Variants in IKZF2 observed in about 807,000 individuals in gnomAD.
IKZF2 encodes zinc finger protein Helios.
IKZF2 carries 15 observed loss-of-function variants against 49.2 expected under a neutral mutation model. The ratio of observed to expected loss-of-function variants is 0.30; its 90% confidence interval spans 0.20 to 0.47. IKZF2 has a LOEUF of 0.47. IKZF2 is among the 20% of genes least tolerant of loss of function. IKZF2 has a pLI of 1.00. For missense variants in IKZF2, 567 were observed against 664.6 expected (o/e 0.85, Z 1.61); for synonymous variants, 227 against 221.4 (o/e 1.03, Z -0.23).
At position 213,146,761 on chromosome 2, in the gene IKZF2, G is replaced by GT. The variant is rs966351708; in HGVS notation, c.139+946_139+947insA. 1.1e-4 allele frequency among the ~76,000 whole-genome samples: 15 copies of GT among 135,344 alleles called. 1 individual carries two copies. Among genetic ancestry groups the GT allele is most frequent in the Middle Eastern group, 3.5e-3 (1 of 288 alleles). 88.8% of individuals were successfully genotyped at this position (135,344 alleles called of 152,430 possible). On this transcript the variant is annotated intron_variant, in intron 4 of 8. Coordinates refer to ENST00000434687, the MANE Select transcript of IKZF2 (RefSeq NM_001387220.1). ...ACTTTTCTTAGTTATTAAATCTTCGGGGGGGGGGAAGGAAAGAGAATGCCT... is the reference window on the plus strand; with the variant it reads ...ACTTTTCTTAGTTATTAAATCTTCGGTGGGGGGGGAAGGAAAGAGAATGCCT...
chr2:213,011,656 T>C (rs370128901), intron 8 of IKZF2, among the ~76,000 whole-genome samples: 1 of 152,122 alleles, frequency 6.6e-6, no homozygotes, highest in East Asian at 1.9e-4. Context: ...GTTGGCACTG[T>C]CATGGTGGAG....
intron 4 of IKZF2, among the ~76,000 whole-genome samples, chr2:213,083,644 C>T (rs893503705): frequency 3.3e-5 from 5 of 149,582 alleles, no homozygotes; most frequent in South Asian, 2.1e-4. Flanking sequence ...TCAGGTGATC[C>T]GCCCACCTCG....
intron 4 of IKZF2, among the ~76,000 whole-genome samples, chr2:213,138,910 T>C (rs1421735815): frequency 6.6e-6 from 1 of 151,990 alleles, no homozygotes; most frequent in East Asian, 1.9e-4. Flanking sequence ...GGATCTTTCC[T>C]AGGTGGTAGT....
Position 213,151,442 on chromosome 2 carries a change from A to T in IKZF2, c.-149T>A, listed in dbSNP as rs954016548. ...GCAGTGCATGCAGTAAAATAATCCC[A>T]TCACCCTTTTGTTTGTGTTTACTGT... On this transcript the variant is annotated 5_prime_UTR_variant, in exon 1 of 9. The change abolishes an upstream ATG in the 5' untranslated region. Transcript: ENST00000434687. The T allele has an allele frequency of 6.6e-6, 1 of 152,516 alleles. No individual in the cohort carries two copies. Among genetic ancestry groups the T allele is most frequent in the Non-Finnish European group, 1.5e-5 (1 of 68,014 alleles). 9.4% of individuals were successfully genotyped at this position (152,516 alleles called of 1,614,324 possible).
At chr2:213,124,624 A>C (rs1277601182) in intron 4 of IKZF2, among the ~76,000 whole-genome samples, 1 of 152,242 alleles carries the variant, frequency 6.6e-6, no homozygotes, top group East Asian at 1.9e-4. Context: ...TGCTCTCAAG[A>C]GTATTTCAGT....
intron 7 of IKZF2, among the ~76,000 whole-genome samples, chr2:213,020,688 A>G (rs1008753444): frequency 3.3e-5 from 5 of 152,212 alleles, no homozygotes; most frequent in African/African-American, 4.8e-5. Context: ...GTTGTTCAGG[A>G]TAACAAGAAA....
chr2:213,096,140 A>G (rs1365331833), intron 4 of IKZF2, among the ~76,000 whole-genome samples: 1 of 151,966 alleles, frequency 6.6e-6, no homozygotes, highest in Non-Finnish European at 1.5e-5. Context: ...TTACTTGATC[A>G]AGAGAGCATC....
At chr2:213,091,365 T>C (rs1298757487) in intron 4 of IKZF2, among the ~76,000 whole-genome samples, 1 of 152,094 alleles carries the variant, frequency 6.6e-6, no homozygotes, top group East Asian at 1.9e-4. Flanking sequence ...AATGGAGAAA[T>C]ATGTAGGAAA....
intron 6 of IKZF2, among the ~76,000 whole-genome samples, chr2:213,046,983 T>C (rs1700209297): frequency 6.6e-6 from 1 of 152,028 alleles, no homozygotes; most frequent in African/African-American, 2.4e-5. Flanking sequence ...CTCACAATTT[T>C]CCAGTGCTGA....
chr2:213,130,772 G>A (rs1467951216), intron 4 of IKZF2, among the ~76,000 whole-genome samples: 1 of 152,038 alleles, frequency 6.6e-6, no homozygotes, highest in African/African-American at 2.4e-5. Context: ...TAGATATTAT[G>A]GGCTTAATTC....
chr2:213,081,669 C>T (rs62187852), intron 4 of IKZF2, among the ~76,000 whole-genome samples: 5 of 152,052 alleles, frequency 3.3e-5, no homozygotes, highest in Non-Finnish European at 7.4e-5. Flanking sequence ...ATAACATGTG[C>T]GAATGCAATG....
chr2:213,077,690 C>A (rs2125540561), intron 4 of IKZF2, among the ~76,000 whole-genome samples: 1 of 150,728 alleles, frequency 6.6e-6, no homozygotes, highest in East Asian at 2.0e-4. Flanking sequence ...CAGGTTCACG[C>A]CATTCTCCTG....
At chr2:213,123,082 G>A (rs4672674) in intron 4 of IKZF2, among the ~76,000 whole-genome samples, 144,560 of 152,312 alleles carry the variant, frequency 0.95, 68,629 homozygotes, top group East Asian at 0.99. Flanking sequence ...GCTAATTCAA[G>A]TGTTGCTAAT....
At chr2:213,026,714 T>C (rs1697856773) in intron 6 of IKZF2, among the ~76,000 whole-genome samples, 1 of 152,130 alleles carries the variant, frequency 6.6e-6, no homozygotes, top group South Asian at 2.1e-4. Flanking sequence ...TTTTAATGCA[T>C]GCAAAGATAA....
chr2:213,053,170 A>G (rs1442500895), intron 5 of IKZF2, among the ~76,000 whole-genome samples: 1 of 152,166 alleles, frequency 6.6e-6, no homozygotes, highest in Non-Finnish European at 1.5e-5. Flanking sequence ...TGTTATAACC[A>G]TAATGACTAA....
Position 213,007,763 on chromosome 2 carries a change from G to C in IKZF2, c.1178C>G (p.Pro393Arg). The change falls in exon 9 of 9, where the codon CCC becomes CGC. Residue 393 changes from proline (P) to arginine (R), a missense_variant. This residue lies in a region of IKZF2 where 310 missense variants were observed against 326.9 expected (regional missense o/e 0.95). Coordinates refer to ENST00000434687, the MANE Select transcript of IKZF2 (RefSeq NM_001387220.1). ...GCTGGGAGAGGCCTCTCTTTCCTGG[G>C]GTCGACTCTTTGGTCTGATGAGAGA... The part of the protein sequence containing the change: ...PISLIRPKSR[P>R]QEREASPSNS... 1.2e-6 allele frequency: 2 copies of C among 1,613,590 alleles called. No individual in the cohort carries two copies. The highest frequency in any genetic ancestry group is 1.7e-6 in the Non-Finnish European group (2 of 1,179,744).
intron 4 of IKZF2, among the ~76,000 whole-genome samples, chr2:213,124,003 C>G (rs2060139882): frequency 6.6e-6 from 1 of 151,694 alleles, no homozygotes; most frequent in Non-Finnish European, 1.5e-5. Context: ...GAAGAACTTT[C>G]TAAGAATTAG....
At chr2:213,121,465 T>G (rs1261265446) in intron 4 of IKZF2, among the ~76,000 whole-genome samples, 1 of 152,212 alleles carries the variant, frequency 6.6e-6, no homozygotes, top group African/African-American at 2.4e-5. Context: ...ATTTCTTACA[T>G]TCAGTAGTAA....
At chr2:213,009,797 G>C (rs952343492) in intron 8 of IKZF2, among the ~76,000 whole-genome samples, 1 of 151,972 alleles carries the variant, frequency 6.6e-6, no homozygotes, top group African/African-American at 2.4e-5. Flanking sequence ...ACTTCTTGAA[G>C]GAAATGGAAT....
Sources: gnomAD v4.1 joint callset for allele counts (sites outside exome capture counted in the v4.1 genomes callset) on GRCh38, gnomAD v4.1.1 for gene constraint, gnomAD v4.1.1 regional missense constraint, MANE v1.5 for transcripts, NCBI Gene and HGNC (gene_info 2026-07-23, HGNC 2026-07-21) for gene names.